Variants in SPTBN1 observed in about 807,000 individuals in gnomAD.
The protein encoded by SPTBN1 is spectrin beta, non-erythrocytic 1, also known as spectrin beta chain, non-erythrocytic 1.
SPTBN1 carries 32 observed loss-of-function variants against 266.4 expected under a neutral mutation model. The ratio of observed to expected loss-of-function variants is 0.12; its 90% CI spans 0.09 to 0.16. The LOEUF (loss-of-function observed/expected upper bound fraction) is 0.16, where lower values mean the gene tolerates loss of function less well. Among genes scored for constraint, SPTBN1 ranks in the 10% least tolerant of loss-of-function variants. SPTBN1 has a pLI of 1.00. For synonymous variants in SPTBN1, 1,336 were observed against 1,162.2 expected (o/e 1.15, Z -3.04); for missense variants, 2,296 against 3,067.1 (o/e 0.75, Z 5.94).
chr2:54,649,246 GC>G lies in SPTBN1; in HGVS notation c.5202+58del. On this transcript the variant is annotated intron_variant, in intron 25 of 35. Coordinates refer to ENST00000356805, the MANE Select transcript of SPTBN1 (RefSeq NM_003128.3). The surrounding 1 kb of genome is among the most constrained non-coding windows in gnomAD (Gnocchi z 6.7). Reference sequence around the variant, plus strand: ...TGTGCAGTAAGCGATGGTGTGGAAGGCCATTTGCATTCCTTGTCTGTGAGCA... The same window carrying G: ...TGTGCAGTAAGCGATGGTGTGGAAGGCATTTGCATTCCTTGTCTGTGAGCA... 6.6e-7 allele frequency: 1 copy of G among 1,524,056 alleles called. No homozygotes were observed. The highest frequency in any genetic ancestry group is 8.9e-7 in the Non-Finnish European group (1 of 1,123,292). 94.4% of individuals were successfully genotyped at this position (1,524,056 alleles called of 1,614,324 possible). A position where few individuals can be genotyped will look rare whatever the true frequency, so the allele number is the denominator to read the frequency against.
At position 54,590,536 on chromosome 2, in the gene SPTBN1, G is replaced by A. The variant is rs190871668; in HGVS notation, c.149-8556G>A. On this transcript the variant is annotated intron_variant, in intron 2 of 35. Transcript: ENST00000356805. The stretch of plus-strand genomic sequence containing the variant: ...TAATTGAAGAGATAGGACACAAGAC[G>A]TATAATAAAAGATGAGAGACCACAT... 5.1e-3 allele frequency among the ~76,000 whole-genome samples: 778 copies of A among 152,326 alleles called. 4 individuals are homozygous for A. The highest frequency in any genetic ancestry group is 0.01 in the Middle Eastern group (3 of 294).
intron 2 of SPTBN1, among the ~76,000 whole-genome samples, chr2:54,569,199 A>G (rs921184373): frequency 6.6e-6 from 1 of 152,176 alleles, no homozygotes; most frequent in African/African-American, 2.4e-5. Flanking sequence ...AGATAAGGGA[A>G]TTCAGTTCTT....
chr2:54,544,933 C>A (rs1335729310), intron 2 of SPTBN1, among the ~76,000 whole-genome samples: 5 of 152,178 alleles, frequency 3.3e-5, no homozygotes, highest in Non-Finnish European at 7.3e-5. Flanking sequence ...ACCAGCCCCC[C>A]ACTCCCCAGT....
At chr2:54,496,925 A>C (rs373412979) in intron 1 of SPTBN1, among the ~76,000 whole-genome samples, 3 of 152,260 alleles carry the variant, frequency 2.0e-5, no homozygotes, top group Non-Finnish European at 4.4e-5. Flanking sequence ...GTGAACAACT[A>C]TGTGTCCTGT....
At chr2:54,557,962 G>T in intron 2 of SPTBN1, 1 of 985,086 alleles carries the variant, frequency 1.0e-6, no homozygotes, top group Non-Finnish European at 1.2e-6. Context: ...CCAGGTGCGG[G>T]CCGCGTTACC....
At position 54,624,955 on chromosome 2, in the gene SPTBN1, T is replaced by G; in HGVS notation, c.1334T>G (p.Val445Gly). ...TGGCTGAGCGAAAACCAGCGTCTGGTGTCTCAGGTTCTGCTCTTGACATTA... is the reference window on the plus strand; with the variant it reads ...TGGCTGAGCGAAAACCAGCGTCTGGGGTCTCAGGTTCTGCTCTTGACATTA... Reference protein sequence around the residue: ...ETWLSENQRLVSQDNFGFDLP... With the variant: ...ETWLSENQRLGSQDNFGFDLP... The change falls in exon 11 of 36, where the codon GTG (valine) becomes GGG (glycine). Residue 445 changes from valine to glycine, a missense_variant. By Grantham distance (109) the Val-to-Gly change is moderately radical (BLOSUM62 -3). This residue lies in a region of SPTBN1 where 148 missense variants were observed against 203.8 expected (regional missense o/e 0.73). Transcript: ENST00000356805. 6.2e-7 allele frequency: 1 copy of G among 1,603,042 alleles called. No individual in the cohort carries two copies. The highest frequency in any genetic ancestry group is 8.5e-7 in the Non-Finnish European group (1 of 1,175,154).
chr2:54,665,381 G>A (rs1192359418), intron 33 of SPTBN1, among the ~76,000 whole-genome samples: 1 of 152,138 alleles, frequency 6.6e-6, no homozygotes, highest in Non-Finnish European at 1.5e-5. Context: ...GTTAAAATTA[G>A]TATATTAGGA....
chr2:54,507,766 A>G (rs1017588841), intron 1 of SPTBN1, among the ~76,000 whole-genome samples: 6 of 151,232 alleles, frequency 4.0e-5, no homozygotes, highest in African/African-American at 1.5e-4. Flanking sequence ...TGATTTAGGT[A>G]AAAATAGCAC....
intron 17 of SPTBN1, among the ~76,000 whole-genome samples, chr2:54,636,681 G>C (rs1163525544): frequency 2.0e-5 from 3 of 152,260 alleles, no homozygotes; most frequent in African/African-American, 7.2e-5. Flanking sequence ...TTGGTGGATA[G>C]AGGAGAGACC....
chr2:54,492,363 T>TTTTTTTTTTTTTTTTTTTA (rs1668737210), intron 1 of SPTBN1, among the ~76,000 whole-genome samples: 1 of 151,188 alleles, frequency 6.6e-6, no homozygotes, highest in African/African-American at 2.4e-5. Flanking sequence ...TTTTTTTTTT[T>TTTTTTTTTTTTTTTTTTTA]TGCTACTATA....
intron 1 of SPTBN1, among the ~76,000 whole-genome samples, chr2:54,523,838 A>G (rs1670633593): frequency 1.3e-5 from 2 of 152,198 alleles, no homozygotes; most frequent in African/African-American, 4.8e-5. Flanking sequence ...CTTGGTGCAC[A>G]CTGAACAAGG....
At chr2:54,635,248 A>G (rs922875225) in intron 17 of SPTBN1, among the ~76,000 whole-genome samples, 1 of 152,238 alleles carries the variant, frequency 6.6e-6, no homozygotes. Flanking sequence ...CCGTGATCCA[A>G]CATGGAGAGA....
intron 1 of SPTBN1, among the ~76,000 whole-genome samples, chr2:54,510,004 G>A (rs1669771039): frequency 6.6e-6 from 1 of 150,652 alleles, no homozygotes; most frequent in East Asian, 1.9e-4. Flanking sequence ...TGTCACCCAG[G>A]GTAGAGCGCA....
At chr2:54,521,657 G>T (rs902152457) in intron 1 of SPTBN1, among the ~76,000 whole-genome samples, 1 of 152,046 alleles carries the variant, frequency 6.6e-6, no homozygotes, top group East Asian at 1.9e-4. Context: ...GGGACTACGG[G>T]CACGTGCCAC....
rs575206715 is a variant in SPTBN1, at chr2:54,579,813, A to G, written c.149-19279A>G. On this transcript the variant is annotated intron_variant, in intron 2 of 35. Transcript: ENST00000356805. ...TGTTTGTCAGGCTTTGCCAGAAAGTATAGTGAGAGAGAGAGATCCTAAAAC... is the reference window on the plus strand; with the variant it reads ...TGTTTGTCAGGCTTTGCCAGAAAGTGTAGTGAGAGAGAGAGATCCTAAAAC... Among the ~76,000 whole-genome samples, 4 of 152,368 alleles carry G rather than the reference A, an allele frequency of 2.6e-5. No homozygotes were observed. In the East Asian group the frequency reaches 5.8e-4, roughly 22 times the overall value.
At chr2:54,662,444 C>A in intron 32 of SPTBN1, 1 of 456,666 alleles carries the variant, frequency 2.2e-6, no homozygotes. Context: ...AAGAGGCTTC[C>A]CTGGCCTTCA....
chr2:54,596,357 C>G (rs1387120709), intron 2 of SPTBN1, among the ~76,000 whole-genome samples: 2 of 152,246 alleles, frequency 1.3e-5, no homozygotes, highest in African/African-American at 4.8e-5. Flanking sequence ...CTTTTCCCCT[C>G]TGTCTCCCTC....
At chr2:54,457,998 TG>T (rs1278016804) in intron 1 of SPTBN1, among the ~76,000 whole-genome samples, 1 of 152,154 alleles carries the variant, frequency 6.6e-6, no homozygotes, top group Non-Finnish European at 1.5e-5. Flanking sequence ...CTGGGCCCAG[TG>T]GTGTGCGGAG....
rs147128412 is a variant in SPTBN1, at chr2:54,665,810, C to G, written c.6660-105C>G. On this transcript the variant is annotated intron_variant, in intron 33 of 35. Coordinates refer to ENST00000356805, the MANE Select transcript of SPTBN1 (RefSeq NM_003128.3). ...AGGTTGAGGGTTGGGTGGGGTCACA[C>G]TGTGTTGTGTGAGGATCATTTTCAT... 6.7e-5 allele frequency: 90 copies of G among 1,352,310 alleles called. 1 individual carries two copies. The African/African-American group carries it at 1.1e-3, about 16-fold the overall frequency. The allele number at this position is 1,352,310 out of a possible 1,614,324, so 83.8% of individuals were successfully genotyped here.
Sources: gnomAD v4.1 joint callset for allele counts (sites outside exome capture counted in the v4.1 genomes callset) on GRCh38, gnomAD v4.1.1 for gene constraint, gnomAD v4.1.1 regional missense constraint, Gnocchi (gnomAD v3.1) non-coding constraint, MANE v1.5 for transcripts, NCBI Gene and HGNC (gene_info 2026-07-23, HGNC 2026-07-21) for gene names.